The following ITGA11 variants were observed in gnomAD, a reference collection of about 807,000 sequenced individuals.
ITGA11 encodes the protein integrin alpha-11.
In ITGA11, 97 loss-of-function variants were observed where a neutral mutation model predicts 141.9. That is an observed-to-expected ratio of 0.68 (90% confidence interval 0.58 to 0.81). The LOEUF (loss-of-function observed/expected upper bound fraction) is 0.81, where lower values mean the gene tolerates loss of function less well. ITGA11 is among the 30% of genes least tolerant of loss of function. The probability of loss-of-function intolerance (pLI) is 0.00; values close to 1 mark genes in which losing one functional copy is unlikely to be tolerated. For synonymous variants in ITGA11, 658 were observed against 624.6 expected (o/e 1.05, Z -0.80); for missense variants, 1,387 against 1,559.2 (o/e 0.89, Z 1.86).
chr15:68,378,261 G>T (rs11639240), intron 2 of ITGA11, among the ~76,000 whole-genome samples: 99,342 of 145,042 alleles, frequency 0.68, 35,379 homozygotes, highest in East Asian at 0.89. Flanking sequence ...TATAGTGGCT[G>T]CACAGTGTTA....
chr15:68,344,461 A>G lies in ITGA11; in HGVS notation c.1131+4369T>C, dbSNP rs549944490. Among the ~76,000 whole-genome samples the G allele has an allele frequency of 5.9e-5, 9 of 152,272 alleles. No homozygotes were observed. The South Asian group carries it at 1.9e-3, about 32-fold the overall frequency. On this transcript the variant is annotated intron_variant, in intron 10 of 29. Coordinates refer to ENST00000315757, the MANE Select transcript of ITGA11 (RefSeq NM_001004439.2). ...CCACTAAGAACCTTAGCGAATAGCC[A>G]ATACCCTTCATTGTCTAGACCTCAA... is the stretch of plus-strand genomic sequence containing the variant.
chr15:68,332,151 T>C, intron 13 of ITGA11, 89 bp from the exon 14 acceptor site: 1 of 1,280,678 alleles, frequency 7.8e-7, no homozygotes, highest in Non-Finnish European at 1.1e-6. Context: ...TCCGGCATCC[T>C]CTCACCACTC....
At chr15:68,372,332 C>G (rs958766270) in intron 2 of ITGA11, among the ~76,000 whole-genome samples, 6 of 151,956 alleles carry the variant, frequency 3.9e-5, no homozygotes, top group Non-Finnish European at 2.9e-5. Context: ...CCCCTGCCAC[C>G]CCCTGCAGCC....
intron 2 of ITGA11, among the ~76,000 whole-genome samples, chr15:68,380,789 C>T (rs1191812541): frequency 6.6e-6 from 1 of 152,212 alleles, no homozygotes; most frequent in East Asian, 1.9e-4. Flanking sequence ...TCCCTGCCTT[C>T]ATGGAGCTTG....
intron 10 of ITGA11, among the ~76,000 whole-genome samples, chr15:68,347,116 T>C (rs1894765938): frequency 6.6e-6 from 1 of 152,158 alleles, no homozygotes; most frequent in African/African-American, 2.4e-5. Context: ...CCTTGTTGCG[T>C]TTTCTAATCA....
intron 2 of ITGA11, among the ~76,000 whole-genome samples, chr15:68,386,450 A>T (rs1895987226): frequency 6.6e-6 from 1 of 152,060 alleles, no homozygotes; most frequent in Non-Finnish European, 1.5e-5. Context: ...ATCCCAGAGG[A>T]TCCTTCAAAG....
chr15:68,349,891 G>A (rs933993930), intron 9 of ITGA11, among the ~76,000 whole-genome samples: 4 of 152,174 alleles, frequency 2.6e-5, no homozygotes, highest in African/African-American at 9.7e-5. Context: ...GCACAAGCTA[G>A]GGTTGCCTGA....
rs866538577 is a variant in ITGA11 at position 68,326,189 on chromosome 15, A to C, written c.2211+465T>G. Among the ~76,000 whole-genome samples, 7 of 152,090 alleles carry C rather than the reference A, an allele frequency of 4.6e-5. No individual in the cohort carries two copies. Among genetic ancestry groups the C allele is most frequent in the Non-Finnish European group, 7.4e-5 (5 of 68,010 alleles). On this transcript the variant is annotated intron_variant, in intron 17 of 29. Transcript: ENST00000315757. This position sits in a 1 kb window ranked among gnomAD's most constrained non-coding sequence, Gnocchi z 6.8. ...ATCTCTGGATGGAAGTAAACCTCTC[A>C]TTCTCTTCCTTAGCTATAAAATGGG...
rs375559325 is a variant in ITGA11, at chr15:68,313,832, G to A, written c.2829C>T (p.Asn943=). ...TGAGGTGGAAGCGTAAGGGGGCCAC[G>A]TTGTCTTCCTTGGTGCTGTCCCGCT... ...SNERDSTKED[N]VAPLRFHLKY... The change falls in exon 23 of 30, where the codon AAC becomes AAT. Residue 943 remains asparagine, a synonymous_variant. Coordinates refer to ENST00000315757, the MANE Select transcript of ITGA11 (RefSeq NM_001004439.2). 1.4e-4 allele frequency: 226 copies of A among 1,613,986 alleles called. 1 individual carries two copies. In the African/African-American group the frequency reaches 2.0e-3, roughly 15 times the overall value.
At chr15:68,314,571 C>T (rs1168368261) in intron 22 of ITGA11, among the ~76,000 whole-genome samples, 2 of 152,350 alleles carry the variant, frequency 1.3e-5, no homozygotes, top group South Asian at 2.1e-4. Context: ...ACCCAACACA[C>T]ACAGATGTGC....
intron 11 of ITGA11, chr15:68,336,242 T>A (rs1022382764): frequency 5.3e-6 from 1 of 186,938 alleles, no homozygotes; most frequent in African/African-American, 2.3e-5. Context: ...TTTGTTTTGG[T>A]TCCCCACCAA....
intron 25 of ITGA11, 30 bp downstream of exon 25, chr15:68,311,260 C>A (rs1893372263): frequency 1.4e-6 from 2 of 1,480,634 alleles, no homozygotes; most frequent in Non-Finnish European, 9.2e-7. Context: ...CTGGTCCCCT[C>A]CCCTAGCCGG....
chr15:68,313,155 G>C (rs367618807), intron 23 of ITGA11, among the ~76,000 whole-genome samples: 1 of 152,138 alleles, frequency 6.6e-6, no homozygotes, highest in African/African-American at 2.4e-5. Flanking sequence ...GCTACTTTTC[G>C]GAGTGACCAT....
At chr15:68,390,730 T>C (rs1054521153) in intron 2 of ITGA11, among the ~76,000 whole-genome samples, 2 of 152,216 alleles carry the variant, frequency 1.3e-5, no homozygotes, top group African/African-American at 4.8e-5. Flanking sequence ...TTACAAAATA[T>C]AATCGTGTTT....
intron 14 of ITGA11, 142 bp downstream of exon 14, chr15:68,331,717 G>A (rs1894162535): frequency 1.5e-5 from 11 of 727,092 alleles, no homozygotes; most frequent in Non-Finnish European, 2.3e-5. Flanking sequence ...ACTTGGGGAA[G>A]CATGGCCAGG....
At position 68,399,609 on chromosome 15, in the gene ITGA11, A is replaced by C. The variant is rs77994458; in HGVS notation, c.164+3309T>G. ...AAAGAAACTGTGGTTCATATACACC[A>C]CGGAATACTACACAACCATGAAAAA... On this transcript the variant is annotated intron_variant, in intron 2 of 29. Transcript: ENST00000315757. Among the ~76,000 whole-genome samples, 571 of 152,288 alleles carry C rather than the reference A, an allele frequency of 3.7e-3. 25 individuals are homozygous for C. The East Asian group carries it at 0.093, about 25-fold the overall frequency.
At chr15:68,314,168 C>T (rs535132636) in intron 22 of ITGA11, among the ~76,000 whole-genome samples, 1 of 152,324 alleles carries the variant, frequency 6.6e-6, no homozygotes, top group East Asian at 1.9e-4. Flanking sequence ...GCCTCCCTCA[C>T]CCAGATGCCC....
intron 21 of ITGA11, among the ~76,000 whole-genome samples, chr15:68,316,641 C>T (rs1893588028): frequency 6.6e-6 from 1 of 152,232 alleles, no homozygotes; most frequent in Non-Finnish European, 1.5e-5. Flanking sequence ...CCCAGCTGTG[C>T]AGACCCTGCT....
chr15:68,385,456 G>A (rs1435604070), intron 2 of ITGA11, among the ~76,000 whole-genome samples: 1 of 152,174 alleles, frequency 6.6e-6, no homozygotes, highest in Admixed American at 6.5e-5. Context: ...TACTCTTCAG[G>A]GATTGCCTTT....
Sources: gnomAD v4.1 joint callset for allele counts (sites outside exome capture counted in the v4.1 genomes callset) on GRCh38, gnomAD v4.1.1 for gene constraint, Gnocchi (gnomAD v3.1) non-coding constraint, MANE v1.5 for transcripts, NCBI Gene and HGNC (gene_info 2026-07-23, HGNC 2026-07-21) for gene names.